XKR6: variants seen among roughly 807,000 people sequenced by gnomAD.
XKR6 encodes XK-related protein 6.
A neutral mutation model predicts 56.7 loss-of-function variants in XKR6; 22 were observed. The ratio of observed to expected loss-of-function variants is 0.39; its 90% confidence interval spans 0.28 to 0.55. The LOEUF is 0.55. Among genes scored for constraint, XKR6 ranks in the 20% least tolerant of loss-of-function variants. XKR6 has a pLI of 0.66. For missense variants in XKR6, 852 were observed against 889.0 expected, an observed-to-expected ratio of 0.96 and a Z score of 0.53; for synonymous variants, 524 against 387.8, an observed-to-expected ratio of 1.35 and a Z score of -4.13.
intron 2 of XKR6, among the ~76,000 whole-genome samples, chr8:10,903,200 G>T (rs1475907771): frequency 6.6e-6 from 1 of 152,176 alleles, no homozygotes; most frequent in African/African-American, 2.4e-5. Flanking sequence ...TTGGCCAAGG[G>T]ACCAAATGTT....
At chr8:11,052,833 G>C (rs7462931) in intron 1 of XKR6, among the ~76,000 whole-genome samples, 93,409 of 151,718 alleles carry the variant, frequency 0.62, 30,705 homozygotes, top group African/African-American at 0.83. Context: ...GCTGCCCGCC[G>C]TCCTCCCACT....
At chr8:11,163,518 G>A (rs188528269) in intron 1 of XKR6, among the ~76,000 whole-genome samples, 3 of 152,122 alleles carry the variant, frequency 2.0e-5, no homozygotes, top group African/African-American at 4.8e-5. Context: ...CCCTGCATCC[G>A]CTGGAGATAG....
At chr8:10,929,238 A>G (rs1219859222) in intron 1 of XKR6, among the ~76,000 whole-genome samples, 1 of 152,250 alleles carries the variant, frequency 6.6e-6, no homozygotes, top group Non-Finnish European at 1.5e-5. Context: ...GCCAGGCTCT[A>G]TTATGGGCAT....
intron 1 of XKR6, among the ~76,000 whole-genome samples, chr8:11,145,957 T>C (rs1258897686): frequency 6.6e-6 from 1 of 152,000 alleles, no homozygotes; most frequent in East Asian, 1.9e-4. Flanking sequence ...ATGAAAAACC[T>C]AGTAATAAAG....
intron 1 of XKR6, among the ~76,000 whole-genome samples, chr8:10,963,302 A>G (rs1802120103): frequency 6.6e-6 from 1 of 152,224 alleles, no homozygotes; most frequent in African/African-American, 2.4e-5. Flanking sequence ...TCAGTGTGTC[A>G]GCGAGGCCTT....
At chr8:10,947,992 G>A (rs780525786) in intron 1 of XKR6, among the ~76,000 whole-genome samples, 2 of 152,186 alleles carry the variant, frequency 1.3e-5, no homozygotes, top group South Asian at 2.1e-4. Context: ...TTTCAAAGTC[G>A]TGTAGCGAAG....
At chr8:10,935,281 C>A (rs1052380835) in intron 1 of XKR6, among the ~76,000 whole-genome samples, 13 of 133,550 alleles carry the variant, frequency 9.7e-5, no homozygotes, top group African/African-American at 4.0e-4. Context: ...CTATTTGATT[C>A]TTCTCTCTTT....
At chr8:11,099,939 C>A (rs1226219641) in intron 1 of XKR6, among the ~76,000 whole-genome samples, 1 of 152,144 alleles carries the variant, frequency 6.6e-6, no homozygotes, top group Non-Finnish European at 1.5e-5. Flanking sequence ...CTAGACAAAG[C>A]GAGCAGCAAA....
chr8:10,984,728 CTCTCTATATA>C (rs1225398069), intron 1 of XKR6, among the ~76,000 whole-genome samples: 6 of 66,854 alleles, frequency 9.0e-5, no homozygotes, highest in African/African-American at 2.1e-4. Context: ...CTCTCTCTCT[CTCTCTATATA>C]TATATATATA....
At chr8:11,153,464 T>G (rs2409717) in intron 1 of XKR6, among the ~76,000 whole-genome samples, 80,873 of 152,144 alleles carry the variant, frequency 0.53, 25,425 homozygotes, top group African/African-American at 0.87. Flanking sequence ...ATACAGTTTA[T>G]AAACTTTGAT....
intron 1 of XKR6, among the ~76,000 whole-genome samples, chr8:10,927,179 A>G (rs1324024242): frequency 6.6e-6 from 1 of 152,176 alleles, no homozygotes; most frequent in African/African-American, 2.4e-5. Flanking sequence ...TAGAAGGGCC[A>G]GGCTGATCAA....
intron 1 of XKR6, among the ~76,000 whole-genome samples, chr8:10,965,252 G>A (rs1459026557): frequency 6.6e-6 from 1 of 152,210 alleles, no homozygotes; most frequent in African/African-American, 2.4e-5. Context: ...CTGAGCTCTG[G>A]CAAGCACATC....
At chr8:11,129,100 A>G in intron 1 of XKR6, 2 of 381,932 alleles carry the variant, frequency 5.2e-6, no homozygotes, top group East Asian at 1.4e-4. Flanking sequence ...CCCAATCAAG[A>G]AAATACTTCC....
chr8:10,912,350 A>G (rs1395461331), intron 2 of XKR6, among the ~76,000 whole-genome samples: 2 of 132,412 alleles, frequency 1.5e-5, no homozygotes, highest in Non-Finnish European at 1.6e-5. Flanking sequence ...ATATGGAGAG[A>G]GAGAGAGAGA....
intron 1 of XKR6, among the ~76,000 whole-genome samples, chr8:11,011,756 G>A (rs1268807926): frequency 6.6e-6 from 1 of 152,160 alleles, no homozygotes; most frequent in African/African-American, 2.4e-5. Context: ...AAGGAGGAAG[G>A]GAACTGGTTG....
intron 1 of XKR6, among the ~76,000 whole-genome samples, chr8:11,073,829 A>T (rs1438648441): frequency 6.6e-6 from 1 of 152,134 alleles, no homozygotes; most frequent in East Asian, 1.9e-4. Flanking sequence ...CCCATTCCAG[A>T]ATAAAGCGAA....
At chr8:10,985,595 G>T (rs1797843755) in intron 1 of XKR6, among the ~76,000 whole-genome samples, 1 of 116,578 alleles carries the variant, frequency 8.6e-6, no homozygotes, top group Non-Finnish European at 1.8e-5. Flanking sequence ...CCATCTTTTG[G>T]TTAAAAAAAA....
intron 1 of XKR6, among the ~76,000 whole-genome samples, chr8:11,000,136 T>G (rs1798205765): frequency 6.6e-6 from 1 of 152,080 alleles, no homozygotes; most frequent in African/African-American, 2.4e-5. Flanking sequence ...ACCAAGACTA[T>G]TAAAGAAATA....
At chr8:11,165,948 T>C (rs889643746) in intron 1 of XKR6, among the ~76,000 whole-genome samples, 7 of 150,586 alleles carry the variant, frequency 4.6e-5, no homozygotes, top group Non-Finnish European at 7.4e-5. Context: ...TATATATATA[T>C]AGTTTTTTGG....
Sources: allele counts gnomAD v4.1 joint callset (sites outside exome capture counted in the v4.1 genomes callset), GRCh38; gene constraint gnomAD v4.1.1; transcripts MANE v1.5; gene names NCBI Gene and HGNC (gene_info 2026-07-23, HGNC 2026-07-21).